The following CNTNAP5 variants were observed in gnomAD, a reference collection of about 807,000 sequenced individuals.
The protein encoded by CNTNAP5 is contactin-associated protein-like 5.
A neutral mutation model predicts 150.2 loss-of-function variants in CNTNAP5; 72 were observed. The observed-to-expected ratio is 0.48, with a 90% CI of 0.40 to 0.58. The LOEUF (loss-of-function observed/expected upper bound fraction) is 0.58, where lower values mean the gene tolerates loss of function less well. CNTNAP5 is among the 20% of genes least tolerant of loss of function. The pLI, the probability that CNTNAP5 is intolerant of heterozygous loss-of-function variation, is 0.00. For synonymous variants in CNTNAP5, 672 were observed against 619.8 expected (o/e 1.08, Z -1.25); for missense variants, 1,636 against 1,626.2 (o/e 1.01, Z -0.10).
At chr2:124,087,755 A>G (rs66498025) in intron 1 of CNTNAP5, among the ~76,000 whole-genome samples, 49,027 of 151,598 alleles carry the variant, frequency 0.32, 8,760 homozygotes, top group Admixed American at 0.42. Flanking sequence ...TAACCACACT[A>G]AAAGTATTGT....
chr2:124,443,922 C>T (rs981308995), intron 5 of CNTNAP5, among the ~76,000 whole-genome samples: 1 of 149,428 alleles, frequency 6.7e-6, no homozygotes, highest in Non-Finnish European at 1.5e-5. Flanking sequence ...TTGTTCAATG[C>T]CTTTCTTATT....
chr2:124,357,060 A>G (rs1690031364), intron 3 of CNTNAP5, among the ~76,000 whole-genome samples: 1 of 152,188 alleles, frequency 6.6e-6, no homozygotes, highest in Non-Finnish European at 1.5e-5. Context: ...ATGGCCAGTG[A>G]TGATGAGCAT....
chr2:124,443,610 C>T (rs536011750), intron 5 of CNTNAP5, among the ~76,000 whole-genome samples: 1 of 151,938 alleles, frequency 6.6e-6, no homozygotes, highest in South Asian at 2.1e-4. Context: ...TTTTACTATA[C>T]CCAAAGTTAC....
chr2:124,087,577 C>T (rs1455894364), intron 1 of CNTNAP5, among the ~76,000 whole-genome samples: 3 of 151,724 alleles, frequency 2.0e-5, no homozygotes, highest in African/African-American at 4.9e-5. Context: ...CAAAAATTAG[C>T]TGGGCGTGGT....
chr2:124,661,629 G>T (rs1678593634), intron 13 of CNTNAP5, among the ~76,000 whole-genome samples: 1 of 151,590 alleles, frequency 6.6e-6, no homozygotes, highest in Admixed American at 6.6e-5. Context: ...TATAATAAAT[G>T]CATAAACCAG....
At chr2:124,485,903 TGTTTGCAGG>T (rs1045013518) in intron 7 of CNTNAP5, among the ~76,000 whole-genome samples, 1 of 151,962 alleles carries the variant, frequency 6.6e-6, no homozygotes, top group Admixed American at 6.6e-5. Context: ...AAAAGAGAAA[TGTTTGCAGG>T]GTCCAACTCC....
At chr2:124,772,722 G>A (rs371982486) in intron 16 of CNTNAP5, 77 bp from the exon 17 acceptor site, 156 of 1,074,736 alleles carry the variant, frequency 1.5e-4, no homozygotes, top group Non-Finnish European at 2.0e-4. Flanking sequence ...ACTTACAATC[G>A]TTTCTCCCAC....
rs540106791 is a variant in CNTNAP5, at chr2:124,521,731, C to T, written c.1328-2572C>T. Among the ~76,000 whole-genome samples the T allele has an allele frequency of 2.4e-4, 37 of 152,304 alleles. No homozygotes were observed. The South Asian group carries it at 2.5e-3, about 10-fold the overall frequency. The stretch of plus-strand genomic sequence containing the variant: ...CCAGTCTAGAGTTTACCTGCAAATG[C>T]AGTCCCATATGTTATGCAGATGTAT... On this transcript the variant is annotated intron_variant, in intron 8 of 23. Transcript: ENST00000682447.
At chr2:124,524,912 C>G (rs1328738053) in intron 9 of CNTNAP5, among the ~76,000 whole-genome samples, 1 of 152,148 alleles carries the variant, frequency 6.6e-6, no homozygotes, top group African/African-American at 2.4e-5. Flanking sequence ...TCTCCTGTCC[C>G]CTCCTTCCCC....
chr2:124,663,067 T>C (rs1342816992), intron 13 of CNTNAP5, among the ~76,000 whole-genome samples: 1 of 152,150 alleles, frequency 6.6e-6, no homozygotes, highest in Non-Finnish European at 1.5e-5. Flanking sequence ...ATCCTTCGAA[T>C]CCCGTGAGGT....
chr2:124,731,747 T>C (rs1680276010), intron 13 of CNTNAP5, among the ~76,000 whole-genome samples: 1 of 151,952 alleles, frequency 6.6e-6, no homozygotes, highest in Non-Finnish European at 1.5e-5. Context: ...TTTGTGTGTG[T>C]ATGTGTATAT....
intron 1 of CNTNAP5, among the ~76,000 whole-genome samples, chr2:124,065,120 G>A (rs1682122517): frequency 6.6e-6 from 1 of 152,110 alleles, no homozygotes; most frequent in Non-Finnish European, 1.5e-5. Flanking sequence ...TGAGTACATG[G>A]AGAATTATGC....
chr2:124,771,811 GCCATCA>G (rs1681200941), intron 16 of CNTNAP5, among the ~76,000 whole-genome samples: 1 of 143,632 alleles, frequency 7.0e-6, no homozygotes, highest in African/African-American at 2.6e-5. Context: ...CATCACCATC[GCCATCA>G]CCACCACTGC....
chr2:124,790,706 C>T (rs1681706568), intron 18 of CNTNAP5, among the ~76,000 whole-genome samples: 1 of 152,162 alleles, frequency 6.6e-6, no homozygotes, highest in Admixed American at 6.5e-5. Context: ...GACTGAAACA[C>T]ACATGAAAGT....
chr2:124,212,015 A>G (rs1163331977), intron 1 of CNTNAP5, among the ~76,000 whole-genome samples: 1 of 152,206 alleles, frequency 6.6e-6, no homozygotes, highest in Non-Finnish European at 1.5e-5. Flanking sequence ...AGTGAGAAAG[A>G]CAACGTTCTA....
At chr2:124,528,264 TA>T (rs1464190248) in intron 10 of CNTNAP5, among the ~76,000 whole-genome samples, 1 of 152,174 alleles carries the variant, frequency 6.6e-6, no homozygotes, top group Non-Finnish European at 1.5e-5. Context: ...AAATTAGCAA[TA>T]AAGTTACAAT....
intron 11 of CNTNAP5, among the ~76,000 whole-genome samples, chr2:124,599,293 T>G (rs1440992110): frequency 1.3e-5 from 2 of 152,220 alleles, no homozygotes; most frequent in Admixed American, 6.5e-5. Context: ...TGTAATTTTT[T>G]TTGTTTTTCT....
chr2:124,651,529 A>C (rs7605511), intron 13 of CNTNAP5, among the ~76,000 whole-genome samples: 89,504 of 151,992 alleles, frequency 0.59, 27,003 homozygotes, highest in African/African-American at 0.65. Context: ...GGAAACAGAA[A>C]CTCAGAGAGA....
chr2:124,445,669 T>A lies in CNTNAP5; in HGVS notation c.734-1084T>A, dbSNP rs114154614. On this transcript the variant is annotated intron_variant, in intron 5 of 23. Coordinates refer to ENST00000682447, the MANE Select transcript of CNTNAP5 (RefSeq NM_001367498.1). ...TGGGAGTGAGCAGCCTTCGGGGAAG[T>A]GGCAGCTACCGCCTGCTGAATGTCA... 4.4e-3 allele frequency among the ~76,000 whole-genome samples: 670 copies of A among 152,268 alleles called. 6 individuals are homozygous for A. Among genetic ancestry groups the A allele is most frequent in the Non-Finnish European group, 7.5e-3 (513 of 68,024 alleles).
Sources: gnomAD v4.1 joint callset for allele counts (sites outside exome capture counted in the v4.1 genomes callset) on GRCh38, gnomAD v4.1.1 for gene constraint, MANE v1.5 for transcripts, NCBI Gene and HGNC (gene_info 2026-07-23, HGNC 2026-07-21) for gene names.